CATSPERT: variants seen among roughly 807,000 people sequenced by gnomAD.
The protein encoded by CATSPERT is cation channel sperm-associated targeting subunit tau.
chr2:201,606,752 A>C, the CATSPERT span, among the ~76,000 whole-genome samples: 1 of 152,154 alleles, frequency 6.6e-6, no homozygotes, highest in African/African-American at 2.4e-5. Context: ...TACAAAAATT[A>C]GCTGGGCGTG....
At chr2:201,535,170 T>C in the CATSPERT span, 1 of 984,668 alleles carries the variant, frequency 1.0e-6, no homozygotes, top group Non-Finnish European at 1.2e-6. Flanking sequence ...TTATGTCTTT[T>C]GAAATTTGGG....
At chr2:201,535,573 G>T in the CATSPERT span, 1 of 1,015,416 alleles carries the variant, frequency 9.8e-7, no homozygotes, top group Non-Finnish European at 1.2e-6. Flanking sequence ...TTTACATTTT[G>T]TTATTGTCGT....
chr2:201,536,623 C>T, the CATSPERT span, among the ~76,000 whole-genome samples: 4 of 151,776 alleles, frequency 2.6e-5, no homozygotes, highest in Non-Finnish European at 5.9e-5. Flanking sequence ...TGTTATTACA[C>T]TGTCACCAAT....
chr2:201,593,535 C>T, the CATSPERT span, among the ~76,000 whole-genome samples: 78 of 26,228 alleles, frequency 3.0e-3, 1 homozygote, highest in African/African-American at 7.7e-3. Context: ...CCTGGGTATC[C>T]TTGTTGACCT....
the CATSPERT span, among the ~76,000 whole-genome samples, chr2:201,538,601 A>T: frequency 6.6e-6 from 1 of 152,088 alleles, no homozygotes; most frequent in Non-Finnish European, 1.5e-5. Flanking sequence ...GTGATCTTTG[A>T]TGTTACTATT....
the CATSPERT span, among the ~76,000 whole-genome samples, chr2:201,608,191 A>G: frequency 6.6e-6 from 1 of 152,166 alleles, no homozygotes; most frequent in Non-Finnish European, 1.5e-5. Flanking sequence ...TTTGTCACCC[A>G]GGATGGAATG....
At chr2:201,527,085 A>G in the CATSPERT span, among the ~76,000 whole-genome samples, 2 of 152,198 alleles carry the variant, frequency 1.3e-5, no homozygotes, top group African/African-American at 4.8e-5. Flanking sequence ...ATCAATGTAT[A>G]AAAATCATTA....
the CATSPERT span, among the ~76,000 whole-genome samples, chr2:201,562,106 T>C: frequency 1.2e-3 from 183 of 151,986 alleles, 2 homozygotes; most frequent in African/African-American, 4.3e-3. Flanking sequence ...TACAAATTCA[T>C]ACAGTAATTC....
chr2:201,505,238 A>T, the CATSPERT span, among the ~76,000 whole-genome samples: 2 of 152,094 alleles, frequency 1.3e-5, no homozygotes, highest in African/African-American at 4.8e-5. Context: ...GCACACCATC[A>T]TGTCTGGCTA....
the CATSPERT span, among the ~76,000 whole-genome samples, chr2:201,584,388 A>G: frequency 6.6e-6 from 1 of 152,200 alleles, no homozygotes. Flanking sequence ...TTATAGGTTA[A>G]AAGACATGGA....
chr2:201,520,226 G>C, the CATSPERT span, among the ~76,000 whole-genome samples: 2 of 152,164 alleles, frequency 1.3e-5, no homozygotes. Flanking sequence ...AATAGATGGA[G>C]ACTTCAACAA....
At chr2:201,601,273 A>AGTGT in the CATSPERT span, among the ~76,000 whole-genome samples, 1,068 of 41,838 alleles carry the variant, frequency 0.026, 13 homozygotes, top group African/African-American at 0.054. Context: ...TAAGGATGAT[A>AGTGT]GTGTGTGTGT....
the CATSPERT span, among the ~76,000 whole-genome samples, chr2:201,567,026 AAC>A: frequency 6.6e-6 from 1 of 152,196 alleles, no homozygotes; most frequent in Non-Finnish European, 1.5e-5. Flanking sequence ...CTAACATTTG[AAC>A]ACAGTCTCTT....
chr2:201,565,669 A>G, the CATSPERT span: 2 of 1,465,678 alleles, frequency 1.4e-6, no homozygotes, highest in East Asian at 5.0e-5. Context: ...ATATTATACA[A>G]ATAACACCTA....
chr2:201,592,192 G>C, the CATSPERT span, among the ~76,000 whole-genome samples: 30 of 152,170 alleles, frequency 2.0e-4, no homozygotes, highest in African/African-American at 7.0e-4. Flanking sequence ...TAGCATGAAA[G>C]GTTGTTGAAT....
the CATSPERT span, chr2:201,553,908 A>G: frequency 1.3e-5 from 2 of 152,238 alleles, no homozygotes; most frequent in Admixed American, 6.5e-5. Flanking sequence ...TCCTATTACT[A>G]CTACCATGAG....
At chr2:201,499,165 T>C in the CATSPERT span, among the ~76,000 whole-genome samples, 1 of 152,040 alleles carries the variant, frequency 6.6e-6, no homozygotes, top group Non-Finnish European at 1.5e-5. Context: ...ATGAGAAAAA[T>C]TGATACATGT....
At chr2:201,582,349 CAAATA>C in the CATSPERT span, 2 of 873,918 alleles carry the variant, frequency 2.3e-6, no homozygotes, top group Non-Finnish European at 3.2e-6. Flanking sequence ...CTATATTATG[CAAATA>C]AATATTATTT....
At chr2:201,502,159 G>A in the CATSPERT span, among the ~76,000 whole-genome samples, 1 of 152,180 alleles carries the variant, frequency 6.6e-6, no homozygotes, top group Non-Finnish European at 1.5e-5. Context: ...AGATGAAAGG[G>A]TGAATACAAA....
Sources: allele counts gnomAD v4.1 joint callset (sites outside exome capture counted in the v4.1 genomes callset), GRCh38; gene constraint gnomAD v4.1.1; transcripts MANE v1.5; gene names NCBI Gene and HGNC (gene_info 2026-07-23, HGNC 2026-07-21).